EPB41: variants seen among roughly 807,000 people sequenced by gnomAD.
EPB41 encodes protein 4.1.
Under a neutral mutation model 108.0 loss-of-function variants are expected in EPB41, and 65 were observed. The observed-to-expected ratio is 0.60, with a 90% CI of 0.49 to 0.74. The LOEUF (loss-of-function observed/expected upper bound fraction) is 0.74, where lower values mean the gene tolerates loss of function less well. Among genes scored for constraint, EPB41 ranks in the 30% least tolerant of loss-of-function variants. The pLI, the probability that EPB41 is intolerant of heterozygous loss-of-function variation, is 0.00. For synonymous variants in EPB41, 336 were observed against 358.9 expected (o/e 0.94, Z 0.72); for missense variants, 875 against 1,037.0 (o/e 0.84, Z 2.15).
At chr1:28,936,288 G>T (rs1487241657) in intron 1 of EPB41, among the ~76,000 whole-genome samples, 3 of 152,174 alleles carry the variant, frequency 2.0e-5, no homozygotes, top group South Asian at 4.1e-4. Context: ...GCCCCAAGAT[G>T]TGGAGTGACT....
At chr1:28,895,481 G>A (rs1404980577) in intron 1 of EPB41, among the ~76,000 whole-genome samples, 1 of 151,866 alleles carries the variant, frequency 6.6e-6, no homozygotes, top group African/African-American at 2.4e-5. Flanking sequence ...TCACTCCAGG[G>A]CCCAAATTAT....
intron 17 of EPB41, among the ~76,000 whole-genome samples, chr1:29,101,268 C>T (rs573449585): frequency 5.3e-5 from 8 of 152,058 alleles, no homozygotes; most frequent in Admixed American, 5.2e-4. Context: ...GAATTTGTAT[C>T]CTAGCTCAAT....
chr1:29,059,772 T>G (rs939137462), intron 14 of EPB41, among the ~76,000 whole-genome samples: 2 of 152,108 alleles, frequency 1.3e-5, no homozygotes, highest in African/African-American at 4.8e-5. Context: ...AGTAAGACCC[T>G]GTCTCCAAAA....
chr1:29,026,611 A>T (rs1258110619), intron 7 of EPB41, among the ~76,000 whole-genome samples: 1 of 152,178 alleles, frequency 6.6e-6, no homozygotes, highest in Non-Finnish European at 1.5e-5. Flanking sequence ...GTGAGTCCAT[A>T]CTGACATAAA....
rs536555727 is a variant in EPB41, at chr1:28,974,366, TTG to T, written c.-7-13064_-7-13063del. On this transcript the variant is annotated intron_variant, in intron 1 of 20. Coordinates refer to ENST00000343067, the MANE Select transcript of EPB41 (RefSeq NM_001376013.1). ...AAGCTGTTTTAGAATTTCATTTCTGTTGGGGCATGTTCTGTCAAGGACTTAAG... is the reference window on the plus strand; with the variant it reads ...AAGCTGTTTTAGAATTTCATTTCTGTGGGCATGTTCTGTCAAGGACTTAAG... Among the ~76,000 whole-genome samples the T allele has an allele frequency of 3.7e-3, 568 of 152,302 alleles. 6 individuals are homozygous for T. The highest frequency in any genetic ancestry group is 0.013 in the African/African-American group (529 of 41,552).
chr1:28,954,929 T>G (rs993341296), intron 1 of EPB41, among the ~76,000 whole-genome samples: 1 of 152,246 alleles, frequency 6.6e-6, no homozygotes, highest in African/African-American at 2.4e-5. Context: ...ATGATAAAGC[T>G]ATTATAAATC....
rs140951068 is a variant in EPB41, at chr1:29,031,147, A to G, written c.1212+660A>G. On this transcript the variant is annotated intron_variant, in intron 8 of 20. Coordinates refer to ENST00000343067, the MANE Select transcript of EPB41 (RefSeq NM_001376013.1). ...TTAAGTGTATCAGTTAAATCAGTCA[A>G]CTGTATCAATTGAATTTGCCCCATA... Among the ~76,000 whole-genome samples the G allele has an allele frequency of 5.7e-3, 867 of 152,242 alleles. 11 individuals carry two copies. The highest frequency in any genetic ancestry group is 0.02 in the African/African-American group (825 of 41,548).
intron 1 of EPB41, among the ~76,000 whole-genome samples, chr1:28,971,397 T>G (rs2095494399): frequency 6.6e-6 from 1 of 151,920 alleles, no homozygotes; most frequent in Non-Finnish European, 1.5e-5. Flanking sequence ...TTGACCAGGC[T>G]CATCTTGAAC....
At chr1:28,952,890 C>G (rs1012373097) in intron 1 of EPB41, among the ~76,000 whole-genome samples, 1 of 152,126 alleles carries the variant, frequency 6.6e-6, no homozygotes, top group Non-Finnish European at 1.5e-5. Flanking sequence ...CCACCACGCC[C>G]AGCTAATTTT....
At chr1:29,054,619 G>A (rs1645063483) in intron 12 of EPB41, 1 of 151,686 alleles carries the variant, frequency 6.6e-6, no homozygotes, top group South Asian at 2.1e-4. Flanking sequence ...GGAGAGCAAG[G>A]CGGGCGGATC....
rs2094188302 is a variant in EPB41 at position 28,939,524 on chromosome 1, A to G, written c.-8+24756A>G. On this transcript the variant is annotated intron_variant, in intron 1 of 20. Coordinates refer to ENST00000343067, the MANE Select transcript of EPB41 (RefSeq NM_001376013.1). Reference sequence around the variant, plus strand: ...AGTGGTGCGATCTTGGCTCACTGCAATGACCTTCTTCCGGGTTCAAGCGAT... The same window carrying G: ...AGTGGTGCGATCTTGGCTCACTGCAGTGACCTTCTTCCGGGTTCAAGCGAT... 2.6e-5 allele frequency among the ~76,000 whole-genome samples: 4 copies of G among 152,098 alleles called. No homozygotes were observed. The South Asian group carries it at 8.3e-4, about 32-fold the overall frequency.
At chr1:28,970,313 A>G (rs1480602003) in intron 1 of EPB41, among the ~76,000 whole-genome samples, 1 of 152,154 alleles carries the variant, frequency 6.6e-6, no homozygotes, top group Non-Finnish European at 1.5e-5. Context: ...TAGTTAATTT[A>G]CTGTAGTTTT....
chr1:29,092,312 G>A (rs920972756), intron 16 of EPB41, among the ~76,000 whole-genome samples: 3 of 151,852 alleles, frequency 2.0e-5, no homozygotes, highest in Admixed American at 2.0e-4. Flanking sequence ...GGACAGACTC[G>A]AACTCCCAAC....
intron 5 of EPB41, among the ~76,000 whole-genome samples, chr1:29,013,586 G>A (rs1019275492): frequency 3.3e-5 from 5 of 152,114 alleles, no homozygotes; most frequent in Non-Finnish European, 5.9e-5. Context: ...GAGTACAATG[G>A]TGTGATTTCG....
chr1:29,001,596 C>T (rs2096294359), intron 4 of EPB41, among the ~76,000 whole-genome samples: 1 of 152,128 alleles, frequency 6.6e-6, no homozygotes. Flanking sequence ...TCTGCCTTCT[C>T]ATTTGATTTT....
At position 29,115,035 on chromosome 1, in the gene EPB41, A is replaced by G. The variant is rs372032772; in HGVS notation, c.2497-664A>G. On this transcript the variant is annotated intron_variant, in intron 19 of 20. Transcript: ENST00000343067. This position sits in a 1 kb window ranked among gnomAD's most constrained non-coding sequence, Gnocchi z 4.4. ...ACACAGATGTTGTTTTGTCCTTTAG[A>G]TTCACATCTTGAGTGAATCCTCTCA... is the stretch of plus-strand genomic sequence containing the variant. 6.6e-6 allele frequency among the ~76,000 whole-genome samples: 1 copy of G among 152,078 alleles called. No homozygotes were observed. The highest frequency in any genetic ancestry group is 1.9e-4 in the East Asian group (1 of 5,188).
chr1:29,059,102 A>G (rs1646065687), intron 14 of EPB41, among the ~76,000 whole-genome samples: 1 of 151,652 alleles, frequency 6.6e-6, no homozygotes, highest in Non-Finnish European at 1.5e-5. Flanking sequence ...TGGTGAAACC[A>G]CGTCTCTACT....
upstream of EPB41, chr1:28,910,977 C>T: frequency 1.0e-6 from 1 of 985,316 alleles, no homozygotes; most frequent in Non-Finnish European, 1.2e-6. Flanking sequence ...GCTGTTTCTG[C>T]CTTGGAAATT....
intron 1 of EPB41, among the ~76,000 whole-genome samples, chr1:28,922,333 C>A (rs1344492431): frequency 6.6e-6 from 1 of 151,742 alleles, no homozygotes; most frequent in Non-Finnish European, 1.5e-5. Context: ...ATAGTTGTTG[C>A]CAAGTAAATA....
Sources: gnomAD v4.1 joint callset for allele counts (sites outside exome capture counted in the v4.1 genomes callset) on GRCh38, gnomAD v4.1.1 for gene constraint, Gnocchi (gnomAD v3.1) non-coding constraint, MANE v1.5 for transcripts, NCBI Gene and HGNC (gene_info 2026-07-23, HGNC 2026-07-21) for gene names.